ARHGAP10: variants seen among roughly 807,000 people sequenced by gnomAD.
ARHGAP10 encodes Rho GTPase activating protein 10.
A neutral mutation model predicts 108.6 loss-of-function variants in ARHGAP10; 87 were observed. That is an observed-to-expected ratio of 0.80 (90% CI 0.67 to 0.96). The LOEUF is 0.96. Ranked by LOEUF, ARHGAP10 falls within the 40% of genes least tolerant of loss-of-function variation. ARHGAP10 has a pLI of 0.00. For synonymous variants in ARHGAP10, 347 were observed against 341.1 expected (o/e 1.02, Z -0.19); for missense variants, 939 against 954.5 (o/e 0.98, Z 0.21).
At chr4:148,048,453 T>C (rs1311638270) in intron 20 of ARHGAP10, among the ~76,000 whole-genome samples, 1 of 152,246 alleles carries the variant, frequency 6.6e-6, no homozygotes, top group Non-Finnish European at 1.5e-5. Flanking sequence ...ATATTTTTTA[T>C]GCTGAGGATT....
chr4:147,796,371 T>A (rs891001486), intron 1 of ARHGAP10, among the ~76,000 whole-genome samples: 20 of 152,040 alleles, frequency 1.3e-4, no homozygotes, highest in Admixed American at 7.2e-4. Context: ...GCATTTTTTT[T>A]AAAAGCGTAG....
chr4:147,774,093 T>C (rs958872303), intron 1 of ARHGAP10, among the ~76,000 whole-genome samples: 2 of 152,144 alleles, frequency 1.3e-5, no homozygotes, highest in Admixed American at 1.3e-4. Flanking sequence ...ATTCATAAGA[T>C]AGTTGTGATA....
At chr4:147,815,293 G>A (rs1446820389) in intron 1 of ARHGAP10, among the ~76,000 whole-genome samples, 3 of 152,114 alleles carry the variant, frequency 2.0e-5, no homozygotes, top group Non-Finnish European at 4.4e-5. Flanking sequence ...ATAGTTAACC[G>A]AATCTACAAA....
At chr4:148,060,716 G>T (rs925361734) in intron 20 of ARHGAP10, among the ~76,000 whole-genome samples, 3 of 152,160 alleles carry the variant, frequency 2.0e-5, no homozygotes, top group African/African-American at 7.2e-5. Context: ...GTGGGGTTCT[G>T]AAATCAAAGG....
intron 9 of ARHGAP10, among the ~76,000 whole-genome samples, chr4:147,880,755 A>G (rs748597331): frequency 5.9e-5 from 9 of 152,356 alleles, no homozygotes; most frequent in South Asian, 2.1e-4. Context: ...GAGAAATTGC[A>G]TAGATTAAAT....
At chr4:147,892,853 G>A (rs560784685) in intron 10 of ARHGAP10, among the ~76,000 whole-genome samples, 58 of 152,250 alleles carry the variant, frequency 3.8e-4, no homozygotes, top group African/African-American at 1.4e-3. Context: ...TGGGGGCTGG[G>A]GGTTAGAAGA....
At chr4:147,880,652 C>T (rs1735285459) in intron 9 of ARHGAP10, among the ~76,000 whole-genome samples, 1 of 152,174 alleles carries the variant, frequency 6.6e-6, no homozygotes, top group Non-Finnish European at 1.5e-5. Context: ...AGTGTGTACT[C>T]ACACTTTATA....
At chr4:147,960,984 G>A (rs1457809602) in intron 16 of ARHGAP10, among the ~76,000 whole-genome samples, 5 of 152,082 alleles carry the variant, frequency 3.3e-5, no homozygotes, top group African/African-American at 4.8e-5. Flanking sequence ...TTCCAGTTTT[G>A]GGCTAATAGA....
intron 1 of ARHGAP10, among the ~76,000 whole-genome samples, chr4:147,753,830 G>A (rs1022049681): frequency 6.6e-6 from 1 of 152,150 alleles, no homozygotes; most frequent in African/African-American, 2.4e-5. Context: ...AGAGAGTATT[G>A]AGGCTGCACC....
chr4:147,811,883 G>A (rs1732034548), intron 1 of ARHGAP10, among the ~76,000 whole-genome samples: 1 of 152,188 alleles, frequency 6.6e-6, no homozygotes, highest in African/African-American at 2.4e-5. Context: ...CTTAGCTTTT[G>A]GAGCAGAAAG....
chr4:148,037,724 A>G (rs1292780425), intron 19 of ARHGAP10, among the ~76,000 whole-genome samples: 3 of 152,000 alleles, frequency 2.0e-5, no homozygotes, highest in Non-Finnish European at 2.9e-5. Flanking sequence ...AATCCCAGCT[A>G]CTTGGGATGC....
intron 1 of ARHGAP10, among the ~76,000 whole-genome samples, chr4:147,775,359 A>G (rs1730241633): frequency 6.6e-6 from 1 of 152,146 alleles, no homozygotes; most frequent in Admixed American, 6.6e-5. Context: ...GGCTGAGGCT[A>G]ATGGAGGTGG....
rs1734463991 is a variant in ARHGAP10 at position 147,864,547 on chromosome 4, C to T, written c.487-299C>T. The T allele has an allele frequency of 1.7e-5, 4 of 229,506 alleles. 1 individual carries two copies. The highest frequency in any genetic ancestry group is 1.9e-4 in the South Asian group (2 of 10,788). The allele number at this position is 229,506 out of a possible 1,614,324, so 14.2% of individuals were successfully genotyped here. On this transcript the variant is annotated intron_variant, in intron 5 of 22. Transcript: ENST00000336498. ...CCTTTGATCTTCAGTTCTTGGGGGTCAACTTCAACAAACAGAGTAGGAGTC... is the reference window on the plus strand; with the variant it reads ...CCTTTGATCTTCAGTTCTTGGGGGTTAACTTCAACAAACAGAGTAGGAGTC...
chr4:147,743,516 G>A (rs1420145881), intron 1 of ARHGAP10, among the ~76,000 whole-genome samples: 1 of 152,106 alleles, frequency 6.6e-6, no homozygotes, highest in Non-Finnish European at 1.5e-5. Context: ...AGTGGTGCAC[G>A]CCTGTAATTC....
At chr4:147,790,548 G>A (rs747797480) in intron 1 of ARHGAP10, among the ~76,000 whole-genome samples, 8 of 152,076 alleles carry the variant, frequency 5.3e-5, no homozygotes, top group African/African-American at 1.4e-4. Context: ...TTAATAATTC[G>A]ACTTTTTTCT....
rs557863973 is a variant in ARHGAP10 at position 147,849,608 on chromosome 4, C to T, written c.384+2386C>T. Reference sequence around the variant, plus strand: ...TCAACATTTTGATCTTTCCCCGTCTCCTGTTTCCCATCTGATAATGTTGTA... The same window carrying T: ...TCAACATTTTGATCTTTCCCCGTCTTCTGTTTCCCATCTGATAATGTTGTA... On this transcript the variant is annotated intron_variant, in intron 4 of 22. Transcript: ENST00000336498. Among the ~76,000 whole-genome samples the T allele has an allele frequency of 3.5e-4, 53 of 152,348 alleles. 1 individual carries two copies. Among genetic ancestry groups the T allele is most frequent in the African/African-American group, 1.1e-3 (47 of 41,584 alleles).
intron 18 of ARHGAP10, among the ~76,000 whole-genome samples, chr4:148,007,841 G>A (rs1339287733): frequency 6.6e-6 from 1 of 152,170 alleles, no homozygotes; most frequent in Non-Finnish European, 1.5e-5. Flanking sequence ...GGCTTGCTGG[G>A]TTTCTTTCTA....
chr4:147,912,410 G>A (rs373507356), intron 12 of ARHGAP10, among the ~76,000 whole-genome samples: 24 of 151,142 alleles, frequency 1.6e-4, no homozygotes, highest in Admixed American at 7.9e-4. Context: ...GCTTGGTGGC[G>A]GGCACCTGTA....
At chr4:147,777,200 CT>C (rs1730331288) in intron 1 of ARHGAP10, among the ~76,000 whole-genome samples, 1 of 151,432 alleles carries the variant, frequency 6.6e-6, no homozygotes, top group African/African-American at 2.4e-5. Context: ...GGTTTTCTGT[CT>C]TTGCTAATTG....
Sources: allele counts gnomAD v4.1 joint callset (sites outside exome capture counted in the v4.1 genomes callset), GRCh38; gene constraint gnomAD v4.1.1; transcripts MANE v1.5; gene names NCBI Gene and HGNC (gene_info 2026-07-23, HGNC 2026-07-21).